GREB1L: variants seen among roughly 807,000 people sequenced by gnomAD.
The protein encoded by GREB1L is GREB1-like protein.
In GREB1L, 17 loss-of-function variants were observed where a neutral mutation model predicts 200.8. That is an observed-to-expected ratio of 0.08 (90% CI 0.06 to 0.13). The LOEUF is 0.13. Ranked by LOEUF, GREB1L falls within the 10% of genes least tolerant of loss-of-function variation. The probability of loss-of-function intolerance (pLI) is 1.00; values close to 1 mark genes in which losing one functional copy is unlikely to be tolerated. For missense variants in GREB1L, 1,657 were observed against 2,367.7 expected (o/e 0.70, Z 6.23); for synonymous variants, 789 against 893.0 (o/e 0.88, Z 2.08).
chr18:21,474,399 ACCCCACAT>A (rs2035603239), intron 16 of GREB1L, among the ~76,000 whole-genome samples: 1 of 152,040 alleles, frequency 6.6e-6, no homozygotes, highest in Admixed American at 6.5e-5. Flanking sequence ...GGTGGGTCTG[ACCCCACAT>A]TTCCCTTCCA....
intron 5 of GREB1L, among the ~76,000 whole-genome samples, chr18:21,398,299 T>TG (rs1196969120): frequency 6.6e-6 from 1 of 152,194 alleles, no homozygotes; most frequent in Non-Finnish European, 1.5e-5. Context: ...ATGCATATAA[T>TG]GGGGCCATTA....
chr18:21,349,925 C>T (rs1264674487), intron 1 of GREB1L, among the ~76,000 whole-genome samples: 2 of 152,154 alleles, frequency 1.3e-5, no homozygotes, highest in African/African-American at 2.4e-5. Flanking sequence ...TTGTCTTCCA[C>T]GAAACCAGTG....
intron 15 of GREB1L, among the ~76,000 whole-genome samples, chr18:21,462,583 G>A (rs1022224339): frequency 6.6e-6 from 1 of 152,164 alleles, no homozygotes; most frequent in Non-Finnish European, 1.5e-5. Flanking sequence ...CAGAGTAGCT[G>A]GGATTACAGG....
chr18:21,371,998 A>G (rs1261088650), intron 2 of GREB1L, among the ~76,000 whole-genome samples: 1 of 152,156 alleles, frequency 6.6e-6, no homozygotes, highest in African/African-American at 2.4e-5. Flanking sequence ...CAGGATTTGA[A>G]TTAAGGTCAT....
At chr18:21,312,935 A>AT (rs1555627229) in intron 1 of GREB1L, among the ~76,000 whole-genome samples, 1 of 151,964 alleles carries the variant, frequency 6.6e-6, no homozygotes, top group Non-Finnish European at 1.5e-5. Context: ...TGATACTGAG[A>AT]TTTTTTTCAC....
intron 7 of GREB1L, among the ~76,000 whole-genome samples, chr18:21,431,919 CTTTT>C (rs773523492): frequency 1.1e-5 from 1 of 91,278 alleles, no homozygotes; most frequent in African/African-American, 5.4e-5. Context: ...CTTTTCTTTT[CTTTT>C]TTTTTTTTTT....
chr18:21,471,159 C>T (rs2035467284), intron 15 of GREB1L, among the ~76,000 whole-genome samples: 1 of 152,182 alleles, frequency 6.6e-6, no homozygotes, highest in African/African-American at 2.4e-5. Flanking sequence ...GGACCTTAGC[C>T]AAAAAACCAC....
chr18:21,411,060 AGAG>A (rs758538545), intron 7 of GREB1L, among the ~76,000 whole-genome samples: 1 of 152,256 alleles, frequency 6.6e-6, no homozygotes, highest in African/African-American at 2.4e-5. Flanking sequence ...ACTTCACAAA[AGAG>A]AATATCCAAG....
intron 19 of GREB1L, among the ~76,000 whole-genome samples, chr18:21,492,238 C>T (rs539477256): frequency 6.6e-6 from 1 of 151,614 alleles, no homozygotes; most frequent in Non-Finnish European, 1.5e-5. Context: ...CCCAGCTACT[C>T]GGGAGGCTGA....
chr18:21,383,525 A>ACGCCGTATC lies in GREB1L; in HGVS notation c.7_8insCGCCGTATC (p.Asn3delinsThrProTyrHis). The ACGCCGTATC allele has an allele frequency of 7.5e-7, 1 of 1,337,254 alleles. No homozygotes were observed. The highest frequency in any genetic ancestry group is 3.0e-5 in the East Asian group (1 of 33,326). 82.8% of individuals were successfully genotyped at this position (1,337,254 alleles called of 1,614,324 possible). Reference sequence around the variant, plus strand: ...GGATGGGTAGGTGTAGATCATGGGGAATTCATATGCTGGGCAACTGAAATC... The same window carrying ACGCCGTATC: ...GGATGGGTAGGTGTAGATCATGGGGACGCCGTATCATTCATATGCTGGGCAACTGAAATC... On this transcript the variant is annotated protein_altering_variant, in exon 3 of 33. Transcript: ENST00000424526.
At chr18:21,380,927 C>T (rs1221974682) in intron 2 of GREB1L, among the ~76,000 whole-genome samples, 20 of 151,662 alleles carry the variant, frequency 1.3e-4, no homozygotes, top group Admixed American at 3.3e-4. Flanking sequence ...GGTGAAACCC[C>T]GTCTCTACTA....
intron 15 of GREB1L, 51 bp from the exon 16 acceptor site, chr18:21,472,980 G>C (rs1466079906): frequency 6.3e-6 from 8 of 1,269,270 alleles, no homozygotes; most frequent in Non-Finnish European, 8.7e-6. Context: ...TCCTGTGTGT[G>C]TGTGTATGTG....
intron 23 of GREB1L, among the ~76,000 whole-genome samples, chr18:21,503,963 A>G (rs2036908928): frequency 6.6e-6 from 1 of 151,696 alleles, no homozygotes; most frequent in Non-Finnish European, 1.5e-5. Context: ...ATTTTTTGAG[A>G]TAGACTCTTA....
intron 1 of GREB1L, among the ~76,000 whole-genome samples, chr18:21,331,003 T>C (rs1412873477): frequency 6.6e-6 from 1 of 152,218 alleles, no homozygotes; most frequent in Non-Finnish European, 1.5e-5. Flanking sequence ...TACTGTTCCA[T>C]AGTTTTGAGA....
At chr18:21,453,438 T>C (rs1190486413) in intron 14 of GREB1L, among the ~76,000 whole-genome samples, 1 of 152,256 alleles carries the variant, frequency 6.6e-6, no homozygotes. Flanking sequence ...AATTAGGCCC[T>C]GTTGCAGTTA....
intron 2 of GREB1L, among the ~76,000 whole-genome samples, chr18:21,380,037 A>G (rs780342660): frequency 3.3e-5 from 5 of 152,200 alleles, no homozygotes; most frequent in Non-Finnish European, 7.3e-5. Context: ...AAACCTAACA[A>G]TTTAAATTCA....
At chr18:21,492,042 T>C (rs532254806) in intron 19 of GREB1L, among the ~76,000 whole-genome samples, 1 of 152,002 alleles carries the variant, frequency 6.6e-6, no homozygotes, top group African/African-American at 2.4e-5. Flanking sequence ...CATTTGAATA[T>C]TGCTAATGAT....
chr18:21,319,623 G>A (rs2038922649), intron 1 of GREB1L, among the ~76,000 whole-genome samples: 2 of 152,214 alleles, frequency 1.3e-5, no homozygotes, highest in Admixed American at 1.3e-4. Flanking sequence ...AGAAACAGAT[G>A]TTAAACCTCC....
At chr18:21,388,783 T>C (rs2040659877) in intron 4 of GREB1L, among the ~76,000 whole-genome samples, 1 of 152,076 alleles carries the variant, frequency 6.6e-6, no homozygotes, top group African/African-American at 2.4e-5. Context: ...AGACTTTCCT[T>C]GTTTTTGATG....
Sources: allele counts gnomAD v4.1 joint callset (sites outside exome capture counted in the v4.1 genomes callset), GRCh38; gene constraint gnomAD v4.1.1; transcripts MANE v1.5; gene names NCBI Gene and HGNC (gene_info 2026-07-23, HGNC 2026-07-21).